The following SS18 variants were observed in gnomAD, a reference collection of about 807,000 sequenced individuals.
SS18 encodes SS18 subunit of BAF chromatin remodeling complex, also known as protein SSXT.
In SS18, 28 loss-of-function variants were observed where a neutral mutation model predicts 72.5. The observed-to-expected ratio is 0.39, with a 90% CI of 0.29 to 0.53. The LOEUF (loss-of-function observed/expected upper bound fraction) is 0.53. SS18 is among the 20% of genes least tolerant of loss of function. The pLI is 0.76. For missense variants in SS18, 518 were observed against 535.3 expected (o/e 0.97, Z 0.32); for synonymous variants, 172 against 164.2 (o/e 1.05, Z -0.37).
chr18:26,073,996 A>G (rs1201573379), intron 3 of SS18, among the ~76,000 whole-genome samples: 1 of 152,128 alleles, frequency 6.6e-6, no homozygotes, highest in Non-Finnish European at 1.5e-5. Context: ...TTGAATTTCC[A>G]AGCAAGAACT....
intron 2 of SS18, among the ~76,000 whole-genome samples, chr18:26,083,104 T>C (rs749083239): frequency 5.3e-5 from 8 of 152,152 alleles, no homozygotes; most frequent in Non-Finnish European, 1.2e-4. Flanking sequence ...AGAAAGAATA[T>C]CTGAAGAACA....
intron 3 of SS18, among the ~76,000 whole-genome samples, chr18:26,072,287 A>G (rs2054324041): frequency 6.6e-6 from 1 of 152,008 alleles, no homozygotes; most frequent in Admixed American, 6.6e-5. Flanking sequence ...ATAAAAAACA[A>G]ATTAATTATT....
At chr18:26,036,186 A>AAAAAAAACTATCTCC (rs1333370710) in intron 7 of SS18, among the ~76,000 whole-genome samples, 2 of 151,922 alleles carry the variant, frequency 1.3e-5, no homozygotes, top group African/African-American at 4.8e-5. Flanking sequence ...CATTGAGGGA[A>AAAAAAAACTATCTCC]AAAAAACTAT....
At chr18:26,060,542 T>C (rs2054100364) in intron 3 of SS18, among the ~76,000 whole-genome samples, 1 of 151,330 alleles carries the variant, frequency 6.6e-6, no homozygotes, top group South Asian at 2.1e-4. Context: ...AAATGGTAAA[T>C]CTTATATAAA....
chr18:26,073,811 TTTGTGA>T (rs1458228462), intron 3 of SS18, among the ~76,000 whole-genome samples: 1 of 152,170 alleles, frequency 6.6e-6, no homozygotes, highest in Non-Finnish European at 1.5e-5. Context: ...GAAAAAGCAG[TTTGTGA>T]TTGAGTTGCC....
At chr18:26,025,848 C>T (rs918851716) in intron 10 of SS18, among the ~76,000 whole-genome samples, 1 of 150,456 alleles carries the variant, frequency 6.6e-6, no homozygotes, top group African/African-American at 2.5e-5. Context: ...CAAAACCAGA[C>T]AAACATGTTA....
At chr18:26,058,382 G>A (rs1396434216) in intron 3 of SS18, among the ~76,000 whole-genome samples, 1 of 152,174 alleles carries the variant, frequency 6.6e-6, no homozygotes, top group Non-Finnish European at 1.5e-5. Flanking sequence ...TCACAAAAGG[G>A]CAAAAGGAAA....
intron 10 of SS18, among the ~76,000 whole-genome samples, chr18:26,025,534 TATC>T (rs2053430888): frequency 6.6e-6 from 1 of 151,976 alleles, no homozygotes; most frequent in Admixed American, 6.6e-5. Context: ...AGAGAGGTAA[TATC>T]ACTACAGATT....
At chr18:26,062,263 A>AC in intron 3 of SS18, among the ~76,000 whole-genome samples, 1 of 152,344 alleles carries the variant, frequency 6.6e-6, no homozygotes, top group East Asian at 1.9e-4. Context: ...TGTCTAAAAA[A>AC]AGAAAAAGAC....
chr18:26,021,901 C>G (rs567880934), intron 10 of SS18, among the ~76,000 whole-genome samples: 2 of 152,242 alleles, frequency 1.3e-5, no homozygotes, highest in Non-Finnish European at 2.9e-5. Flanking sequence ...GTCGAGTAGG[C>G]ATCTAATTTC....
intron 3 of SS18, among the ~76,000 whole-genome samples, chr18:26,062,893 T>C (rs2054148581): frequency 6.6e-6 from 1 of 152,046 alleles, no homozygotes; most frequent in South Asian, 2.1e-4. Flanking sequence ...TTGACAGAAC[T>C]AAAAGGAAAA....
At chr18:26,048,233 T>C (rs2053863473) in intron 5 of SS18, among the ~76,000 whole-genome samples, 2 of 152,250 alleles carry the variant, frequency 1.3e-5, no homozygotes, top group African/African-American at 4.8e-5. Flanking sequence ...AGTATTCATA[T>C]ATTTTAATAA....
At chr18:26,089,244 T>C (rs1020610053) in intron 1 of SS18, among the ~76,000 whole-genome samples, 9 of 152,224 alleles carry the variant, frequency 5.9e-5, no homozygotes, top group African/African-American at 2.2e-4. Context: ...CTCTGGACTT[T>C]TCCTGTGTAC....
At chr18:26,086,107 A>G (rs763707073) in intron 2 of SS18, 18 of 152,212 alleles carry the variant, frequency 1.2e-4, no homozygotes, top group Non-Finnish European at 2.2e-4. Flanking sequence ...CCTAAACAAT[A>G]TAGTATAACA....
At chr18:26,038,238 TA>T (rs995662684) in intron 7 of SS18, among the ~76,000 whole-genome samples, 9 of 152,022 alleles carry the variant, frequency 5.9e-5, no homozygotes, top group Non-Finnish European at 1.2e-4. Context: ...AAGCTCTTAT[TA>T]AAAAAAAGTA....
At position 26,057,650 on chromosome 18, in the gene SS18, T is replaced by C; in HGVS notation, c.324A>G (p.Gly108=). The C allele has an allele frequency of 2.5e-6, 4 of 1,614,174 alleles. No homozygotes were observed. Among genetic ancestry groups the C allele is most frequent in the Non-Finnish European group, 3.4e-6 (4 of 1,180,024 alleles). Residue 108 remains glycine (G), a synonymous_variant, in exon 4 of 11, where the codon GGA becomes GGG. Coordinates refer to ENST00000415083, the MANE Select transcript of SS18 (RefSeq NM_001007559.3). ...GTGCAGGAGGACCCCCACCTACCATTCCATCTGAAGGCATGTTGTGAGAGC... is the reference window on the plus strand; with the variant it reads ...GTGCAGGAGGACCCCCACCTACCATCCCATCTGAAGGCATGTTGTGAGAGC... The part of the protein sequence containing the change: ...PPRSHNMPSD[G]MVGGGPPAPH...
At chr18:26,023,442 G>C (rs1305789708) in intron 10 of SS18, among the ~76,000 whole-genome samples, 1 of 152,082 alleles carries the variant, frequency 6.6e-6, no homozygotes, top group Admixed American at 6.5e-5. Context: ...ATTTGGGCAA[G>C]AGAGAAATTT....
At chr18:26,032,645 G>T in intron 9 of SS18, 113 bp from the exon 10 acceptor site, 1 of 1,244,166 alleles carries the variant, frequency 8.0e-7, no homozygotes. Flanking sequence ...GCTAAAAAAA[G>T]ATAGTTTGGT....
At chr18:26,018,818 A>G (rs781543107) in intron 10 of SS18, among the ~76,000 whole-genome samples, 6 of 152,204 alleles carry the variant, frequency 3.9e-5, no homozygotes, top group African/African-American at 7.2e-5. Flanking sequence ...GGTATTTGCA[A>G]TAAGTGGCAA....
Sources: gnomAD v4.1 joint callset for allele counts (sites outside exome capture counted in the v4.1 genomes callset) on GRCh38, gnomAD v4.1.1 for gene constraint, MANE v1.5 for transcripts, NCBI Gene and HGNC (gene_info 2026-07-23, HGNC 2026-07-21) for gene names.